Variants in UNC13C observed in about 807,000 individuals in gnomAD.
UNC13C encodes the protein unc-13 homolog C.
UNC13C carries 174 observed loss-of-function variants against 245.4 expected under a neutral mutation model. The ratio of observed to expected loss-of-function variants is 0.71; its 90% CI spans 0.63 to 0.80. The LOEUF is 0.80. Ranked by LOEUF, UNC13C falls within the 30% of genes least tolerant of loss-of-function variation. The pLI is 0.00. For missense variants in UNC13C, 2,829 were observed against 2,602.9 expected, an observed-to-expected ratio of 1.09 and a Z score of -1.89; for synonymous variants, 992 against 895.1, an observed-to-expected ratio of 1.11 and a Z score of -1.93.
In UNC13C at chr15:54,348,506, C is replaced by T. The variant is rs565985920; in HGVS notation, c.4713+10017C>T. On this transcript the variant is annotated intron_variant, in intron 17 of 32. Coordinates refer to ENST00000260323, the MANE Select transcript of UNC13C (RefSeq NM_001080534.3). ...ACTAAATGAAAATTCTATCAAAAAA[C>T]ATCTCTTTGTATTAGACGGAATGTG... Among the ~76,000 whole-genome samples, 15 of 152,196 alleles carry T rather than the reference C, an allele frequency of 9.9e-5. 1 individual carries two copies. The highest frequency in any genetic ancestry group is 2.9e-4 in the African/African-American group (12 of 41,558).
At chr15:54,503,307 G>A (rs1894313442) in intron 22 of UNC13C, among the ~76,000 whole-genome samples, 2 of 151,996 alleles carry the variant, frequency 1.3e-5, no homozygotes, top group Middle Eastern at 3.2e-3. Flanking sequence ...TCTCTTGCCA[G>A]CATTTCTCTT....
intron 4 of UNC13C, among the ~76,000 whole-genome samples, chr15:54,191,150 A>G (rs1308115206): frequency 6.6e-6 from 1 of 152,114 alleles, no homozygotes; most frequent in African/African-American, 2.4e-5. Flanking sequence ...TGCTGCACCC[A>G]TCAACCCGTC....
At chr15:54,319,610 G>A (rs754800704) in intron 13 of UNC13C, among the ~76,000 whole-genome samples, 1 of 151,886 alleles carries the variant, frequency 6.6e-6, no homozygotes, top group Non-Finnish European at 1.5e-5. Flanking sequence ...TAGGTAGCAA[G>A]GTGCCTGGTT....
chr15:54,585,621 T>C lies in UNC13C; in HGVS notation c.6106+17674T>C, dbSNP rs190798649. On this transcript the variant is annotated intron_variant, in intron 30 of 32. Coordinates refer to ENST00000260323, the MANE Select transcript of UNC13C (RefSeq NM_001080534.3). ...CTGGGACTGGGAAGTGTTAGAGAAA[T>C]ATAAATGAAAACATAATCTCCTCCT... Among the ~76,000 whole-genome samples, 78 of 152,256 alleles carry C rather than the reference T, an allele frequency of 5.1e-4. No homozygotes were observed. The East Asian group carries it at 0.015, about 29-fold the overall frequency.
At chr15:53,906,100 G>A in the UNC13C span, among the ~76,000 whole-genome samples, 20 of 152,126 alleles carry the variant, frequency 1.3e-4, no homozygotes, top group Admixed American at 2.0e-4. Context: ...TTGGGAGGCC[G>A]AGGCGGAAGG....
At chr15:54,116,167 T>C (rs2030231167) in intron 2 of UNC13C, among the ~76,000 whole-genome samples, 1 of 152,154 alleles carries the variant, frequency 6.6e-6, no homozygotes, top group Non-Finnish European at 1.5e-5. Flanking sequence ...ATGTACATAT[T>C]TTCAAGGTAC....
rs191043677 is a variant in UNC13C at position 54,545,920 on chromosome 15, C to G, written c.5697-802C>G. Among the ~76,000 whole-genome samples, 304 of 152,210 alleles carry G rather than the reference C, an allele frequency of 2.0e-3. 1 individual carries two copies. Among genetic ancestry groups the G allele is most frequent in the African/African-American group, 7.0e-3 (292 of 41,536 alleles). ...TTTGAAAGACAGTGTGGCGATTCCT[C>G]AAGGATCTAGAACTAGAAATACCAT... On this transcript the variant is annotated intron_variant, in intron 26 of 32. Transcript: ENST00000260323.
the UNC13C span, among the ~76,000 whole-genome samples, chr15:53,934,801 G>C: frequency 6.6e-6 from 1 of 152,112 alleles, no homozygotes; most frequent in Non-Finnish European, 1.5e-5. Flanking sequence ...TCCTCACTGT[G>C]TCTGCTCATT....
chr15:54,056,067 A>C (rs1295192586), intron 2 of UNC13C, among the ~76,000 whole-genome samples: 2 of 152,188 alleles, frequency 1.3e-5, no homozygotes, highest in Non-Finnish European at 2.9e-5. Context: ...CATCCAGCTG[A>C]GGAACGCAGC....
chr15:54,608,472 T>C (rs866294297), intron 30 of UNC13C, among the ~76,000 whole-genome samples: 5 of 152,218 alleles, frequency 3.3e-5, no homozygotes, highest in South Asian at 4.1e-4. Context: ...AGTAGAGTTA[T>C]TTATGTATAT....
At chr15:54,373,198 A>G (rs1490718980) in intron 17 of UNC13C, among the ~76,000 whole-genome samples, 1 of 152,208 alleles carries the variant, frequency 6.6e-6, no homozygotes, top group Non-Finnish European at 1.5e-5. Flanking sequence ...ATTTCCAGTG[A>G]AGAGCATATC....
chr15:53,936,553 G>T, the UNC13C span, among the ~76,000 whole-genome samples: 4 of 152,292 alleles, frequency 2.6e-5, no homozygotes, highest in South Asian at 4.1e-4. Context: ...GTGAGACCCT[G>T]GTCCCATTCC....
At chr15:54,308,334 A>G (rs2037779112) in intron 13 of UNC13C, among the ~76,000 whole-genome samples, 2 of 151,918 alleles carry the variant, frequency 1.3e-5, no homozygotes, top group African/African-American at 2.4e-5. Context: ...TTTAGCCAAA[A>G]ACTTGCCAGT....
rs145290921 is a variant in UNC13C at position 54,281,892 on chromosome 15, A to G, written c.3819-12003A>G. Among the ~76,000 whole-genome samples the G allele has an allele frequency of 2.9e-3, 444 of 152,364 alleles. 2 individuals are homozygous for G. The highest frequency in any genetic ancestry group is 0.01 in the African/African-American group (426 of 41,602). On this transcript the variant is annotated intron_variant, in intron 10 of 32. Transcript: ENST00000260323. ...TTTTCTTGTTAAGTTTTACTGTGGT[A>G]TAATATACATATGATACAATTTATT...
At chr15:54,567,135 T>C (rs960607014) in intron 29 of UNC13C, among the ~76,000 whole-genome samples, 1 of 152,116 alleles carries the variant, frequency 6.6e-6, no homozygotes, top group Non-Finnish European at 1.5e-5. Context: ...TGACCATATT[T>C]ATTGTCAATT....
At chr15:54,059,323 GACAA>G (rs36177328) in intron 2 of UNC13C, among the ~76,000 whole-genome samples, 9 of 152,174 alleles carry the variant, frequency 5.9e-5, no homozygotes, top group African/African-American at 9.6e-5. Context: ...ACCAATAACA[GACAA>G]ACAGAGAGCC....
At chr15:53,932,604 A>C in the UNC13C span, among the ~76,000 whole-genome samples, 1 of 152,010 alleles carries the variant, frequency 6.6e-6, no homozygotes. Context: ...CATGACTCCT[A>C]TCTCTGTTCA....
chr15:54,243,399 G>C (rs1193252625), intron 7 of UNC13C, among the ~76,000 whole-genome samples: 1 of 152,100 alleles, frequency 6.6e-6, no homozygotes, highest in African/African-American at 2.4e-5. Flanking sequence ...TGGACATTTG[G>C]GTTGATTCCA....
intron 25 of UNC13C, 135 bp from the exon 26 acceptor site, chr15:54,532,782 A>T: frequency 1.7e-6 from 1 of 594,560 alleles, no homozygotes. Flanking sequence ...TTTTGCAGTT[A>T]AACATTGAAT....
Sources: gnomAD v4.1 joint callset for allele counts (sites outside exome capture counted in the v4.1 genomes callset) on GRCh38, gnomAD v4.1.1 for gene constraint, MANE v1.5 for transcripts, NCBI Gene and HGNC (gene_info 2026-07-23, HGNC 2026-07-21) for gene names.